The following ALK variants were observed in gnomAD, a reference collection of about 807,000 sequenced individuals.
ALK encodes the protein ALK tyrosine kinase receptor.
ALK carries 74 observed loss-of-function variants against 163.1 expected under a neutral mutation model. That is an observed-to-expected ratio of 0.45 (90% CI 0.38 to 0.55). The LOEUF is 0.55. Ranked by LOEUF, ALK falls within the 20% of genes least tolerant of loss-of-function variation. The pLI, the probability that ALK is intolerant of heterozygous loss-of-function variation, is 0.00. For missense variants in ALK, 2,063 were observed against 2,105.3 expected, an observed-to-expected ratio of 0.98 and a Z score of 0.39; for synonymous variants, 960 against 843.2, an observed-to-expected ratio of 1.14 and a Z score of -2.40.
intron 4 of ALK, among the ~76,000 whole-genome samples, chr2:29,465,574 A>C (rs1181342592): frequency 6.6e-6 from 1 of 152,094 alleles, no homozygotes; most frequent in African/African-American, 2.4e-5. Context: ...TGTGCCTGTA[A>C]TCCCAGCTGC....
chr2:29,266,520 G>T (rs1035970940), intron 11 of ALK, among the ~76,000 whole-genome samples: 10 of 152,188 alleles, frequency 6.6e-5, no homozygotes, highest in Non-Finnish European at 2.9e-5. Context: ...TGTCACAACA[G>T]CATTTTATAT....
chr2:29,910,134 C>G (rs1468419006), intron 1 of ALK, among the ~76,000 whole-genome samples: 6 of 151,954 alleles, frequency 3.9e-5, no homozygotes, highest in African/African-American at 1.5e-4. Flanking sequence ...TATACGTGTT[C>G]AAGGACTTAG....
intron 11 of ALK, among the ~76,000 whole-genome samples, chr2:29,253,294 C>T (rs1286081024): frequency 6.6e-6 from 1 of 152,154 alleles, no homozygotes; most frequent in African/African-American, 2.4e-5. Context: ...TGCTACGTCA[C>T]CACACGAGGG....
At chr2:29,213,310 G>GTAAT (rs1274203799) in intron 24 of ALK, among the ~76,000 whole-genome samples, 5 of 152,174 alleles carry the variant, frequency 3.3e-5, no homozygotes, top group African/African-American at 1.2e-4. Flanking sequence ...AAGAATGATT[G>GTAAT]TAATAGAAGA....
intron 3 of ALK, among the ~76,000 whole-genome samples, chr2:29,660,963 G>A (rs547349885): frequency 9.2e-5 from 14 of 152,218 alleles, no homozygotes; most frequent in Non-Finnish European, 1.6e-4. Context: ...TTCTCATTTG[G>A]TTGACTTCTC....
At chr2:29,835,596 A>T (rs1665537999) in intron 1 of ALK, among the ~76,000 whole-genome samples, 1 of 152,154 alleles carries the variant, frequency 6.6e-6, no homozygotes, top group Non-Finnish European at 1.5e-5. Context: ...GATATAAGAA[A>T]GTCCATGATA....
intron 1 of ALK, among the ~76,000 whole-genome samples, chr2:29,874,535 G>T (rs547146928): frequency 8.5e-5 from 13 of 152,268 alleles, no homozygotes; most frequent in African/African-American, 3.1e-4. Context: ...CGGCCCACAT[G>T]CACCTAGATG....
rs70962250 is a variant in ALK at position 29,906,937 on chromosome 2, G to GTTTTTTTT, written c.667+13048_667+13055dup. The stretch of plus-strand genomic sequence containing the variant: ...CCAGAAATATACATATACATTTAAG[G>GTTTTTTTT]TTTTTTTTTTTTTTTTTTTTTTTTT... On this transcript the variant is annotated intron_variant, in intron 1 of 28. Transcript: ENST00000389048. Among the ~76,000 whole-genome samples the GTTTTTTTT allele has an allele frequency of 8.7e-5, 7 of 80,012 alleles. 1 individual carries two copies. The highest frequency in any genetic ancestry group is 2.7e-4 in the African/African-American group (6 of 21,970). The allele number at this position is 80,012 out of a possible 152,430, so 52.5% of individuals were successfully genotyped here.
chr2:29,795,999 C>T (rs1664301011), intron 1 of ALK, among the ~76,000 whole-genome samples: 1 of 152,136 alleles, frequency 6.6e-6, no homozygotes, highest in Non-Finnish European at 1.5e-5. Context: ...TTCCTAATCT[C>T]TCTCTATGAG....
Position 29,352,272 on chromosome 2 carries a change from A to G in ALK, c.1283-23791T>C, listed in dbSNP as rs571542888. Among the ~76,000 whole-genome samples the G allele has an allele frequency of 5.6e-4, 86 of 152,350 alleles. 1 individual carries two copies. Among genetic ancestry groups the G allele is most frequent in the Admixed American group, 2.4e-3 (37 of 15,308 alleles). ...AAACTGTCAGGAGTGGCATAGATTT[A>G]TTACTGTTACTGGTTGTGGAAATGT... On this transcript the variant is annotated intron_variant, in intron 5 of 28. Transcript: ENST00000389048.
chr2:29,793,686 G>A (rs1266256619), intron 1 of ALK, among the ~76,000 whole-genome samples: 3 of 152,144 alleles, frequency 2.0e-5, no homozygotes, highest in Non-Finnish European at 4.4e-5. Flanking sequence ...CAGTGATGAG[G>A]AGCATGGTCA....
intron 1 of ALK, among the ~76,000 whole-genome samples, chr2:29,882,642 C>T (rs12474966): frequency 0.7 from 107,071 of 152,026 alleles, 37,964 homozygotes; most frequent in Non-Finnish European, 0.75. Flanking sequence ...TGCAGGGAGC[C>T]GAGATTGCGC....
At chr2:29,219,092 G>A (rs796814246) in intron 23 of ALK, among the ~76,000 whole-genome samples, 2 of 152,166 alleles carry the variant, frequency 1.3e-5, no homozygotes, top group East Asian at 1.9e-4. Flanking sequence ...CTGGGCCACC[G>A]TTTTCTCATC....
intron 1 of ALK, among the ~76,000 whole-genome samples, chr2:29,830,881 G>C (rs1665355038): frequency 7.0e-6 from 1 of 143,480 alleles, no homozygotes; most frequent in Non-Finnish European, 1.5e-5. Context: ...TCTAGCCTGG[G>C]CAACAGAGTG....
intron 4 of ALK, among the ~76,000 whole-genome samples, chr2:29,523,608 T>C (rs1189508526): frequency 6.6e-6 from 1 of 152,246 alleles, no homozygotes; most frequent in East Asian, 1.9e-4. Context: ...ACTTCTGAGA[T>C]GAGAAGTGTC....
intron 1 of ALK, among the ~76,000 whole-genome samples, chr2:29,870,858 G>C (rs1410777800): frequency 6.6e-6 from 1 of 152,138 alleles, no homozygotes; most frequent in Admixed American, 6.6e-5. Context: ...AACTGATGAA[G>C]ATTTAGATCT....
At chr2:29,627,877 C>T (rs1676242059) in intron 3 of ALK, among the ~76,000 whole-genome samples, 1 of 152,118 alleles carries the variant, frequency 6.6e-6, no homozygotes, top group African/African-American at 2.4e-5. Context: ...GCTCCATTCT[C>T]AATGGCACTG....
chr2:29,880,224 C>T (rs547148892), intron 1 of ALK, among the ~76,000 whole-genome samples: 1 of 152,214 alleles, frequency 6.6e-6, no homozygotes, highest in Non-Finnish European at 1.5e-5. Context: ...CTCCATCCTG[C>T]TCCATACCTT....
intron 1 of ALK, among the ~76,000 whole-genome samples, chr2:29,785,635 G>A (rs1446678535): frequency 1.3e-5 from 2 of 152,176 alleles, no homozygotes; most frequent in Non-Finnish European, 2.9e-5. Context: ...AAGAAGCAAA[G>A]CATACAAATG....
Sources: allele counts gnomAD v4.1 joint callset (sites outside exome capture counted in the v4.1 genomes callset), GRCh38; gene constraint gnomAD v4.1.1; transcripts MANE v1.5; gene names NCBI Gene and HGNC (gene_info 2026-07-23, HGNC 2026-07-21).